Variants in PITPNC1 observed in about 807,000 individuals in gnomAD.
PITPNC1 encodes phosphatidylinositol transfer protein cytoplasmic 1.
A neutral mutation model predicts 44.7 loss-of-function variants in PITPNC1; 18 were observed. The observed-to-expected ratio is 0.40, with a 90% CI of 0.28 to 0.60. The LOEUF (loss-of-function observed/expected upper bound fraction) is 0.60, where lower values mean the gene tolerates loss of function less well. PITPNC1 is among the 20% of genes least tolerant of loss of function. The pLI, the probability that PITPNC1 is intolerant of heterozygous loss-of-function variation, is 0.39. For synonymous variants in PITPNC1, 141 were observed against 149.6 expected (o/e 0.94, Z 0.42); for missense variants, 290 against 418.4 (o/e 0.69, Z 2.68).
chr17:67,543,205 G>A (rs546710131), intron 2 of PITPNC1, among the ~76,000 whole-genome samples: 8 of 152,266 alleles, frequency 5.3e-5, no homozygotes, highest in Admixed American at 6.5e-5. Context: ...GCCAGATGGC[G>A]TCATTCTGCC....
At chr17:67,598,369 C>T (rs1029017687) in intron 5 of PITPNC1, among the ~76,000 whole-genome samples, 3 of 152,188 alleles carry the variant, frequency 2.0e-5, no homozygotes, top group South Asian at 2.1e-4. Flanking sequence ...AATGGGTGTT[C>T]GTGCTACCAA....
chr17:67,643,340 C>T (rs948173601), intron 6 of PITPNC1, among the ~76,000 whole-genome samples: 1 of 152,064 alleles, frequency 6.6e-6, no homozygotes, highest in African/African-American at 2.4e-5. Flanking sequence ...GAGCTGAGAT[C>T]GCGCCACTGC....
At chr17:67,586,252 C>T (rs541878662) in intron 5 of PITPNC1, among the ~76,000 whole-genome samples, 249 of 152,076 alleles carry the variant, frequency 1.6e-3, no homozygotes, top group African/African-American at 5.6e-3. Context: ...AGATACTGTT[C>T]GTGGAGTTTT....
intron 5 of PITPNC1, among the ~76,000 whole-genome samples, chr17:67,607,059 A>G (rs2041617520): frequency 6.6e-6 from 1 of 152,200 alleles, no homozygotes; most frequent in Admixed American, 6.5e-5. Context: ...AGTAATAATC[A>G]GTAAGGTTCA....
chr17:67,642,866 G>GA (rs1043386638), intron 6 of PITPNC1, among the ~76,000 whole-genome samples: 2 of 151,718 alleles, frequency 1.3e-5, no homozygotes, highest in Middle Eastern at 3.4e-3. Flanking sequence ...TTTTCAAGGG[G>GA]AAAAAAACCA....
intron 8 of PITPNC1, among the ~76,000 whole-genome samples, chr17:67,677,014 T>C (rs536498633): frequency 2.0e-5 from 3 of 152,252 alleles, no homozygotes; most frequent in Admixed American, 6.5e-5. Context: ...CAGAGACCTG[T>C]CTATTTCTAG....
rs75514444 is a variant in PITPNC1 at position 67,575,855 on chromosome 17, T to C, written c.295-2331T>C. Among the ~76,000 whole-genome samples the C allele has an allele frequency of 3.1e-3, 264 of 84,388 alleles. 3 individuals carry two copies. The highest frequency in any genetic ancestry group is 0.013 in the African/African-American group (253 of 19,298). 55.4% of individuals were successfully genotyped at this position (84,388 alleles called of 152,430 possible). A position where few individuals can be genotyped will look rare whatever the true frequency, so the allele number is the denominator to read the frequency against. On this transcript the variant is annotated intron_variant, in intron 4 of 8. Coordinates refer to ENST00000581322, the MANE Select transcript of PITPNC1 (RefSeq NM_012417.4). ...CCTTCCTTCCTTCTTTCTTTCTTTC[T>C]TTCCTTCCTTCTTTCTTTCTTTCCT...
chr17:67,599,024 ATATATATATATTTTTTTT>A (rs1415386837), intron 5 of PITPNC1, among the ~76,000 whole-genome samples: 26 of 35,868 alleles, frequency 7.2e-4, no homozygotes, highest in African/African-American at 3.0e-3. Context: ...ATATATATAT[ATATATATATATTTTTTTT>A]TTTTTTTTTT....
intron 8 of PITPNC1, among the ~76,000 whole-genome samples, chr17:67,679,289 G>C (rs1188972000): frequency 2.0e-5 from 3 of 152,222 alleles, no homozygotes; most frequent in African/African-American, 7.2e-5. Context: ...TAAAATGATT[G>C]CAGGAACCCA....
At chr17:67,514,178 G>C (rs1221014554) in intron 1 of PITPNC1, among the ~76,000 whole-genome samples, 2 of 152,002 alleles carry the variant, frequency 1.3e-5, no homozygotes, top group Non-Finnish European at 2.9e-5. Context: ...ACTTGGTGTA[G>C]AATTCACGGG....
intron 4 of PITPNC1, among the ~76,000 whole-genome samples, chr17:67,560,490 G>A (rs974867068): frequency 3.0e-4 from 46 of 152,188 alleles, no homozygotes; most frequent in Admixed American, 3.0e-3. Flanking sequence ...ACACAGCAAA[G>A]TCAGCAGTAC....
intron 7 of PITPNC1, 114 bp downstream of exon 7, chr17:67,669,777 A>G: frequency 1.3e-6 from 1 of 769,606 alleles, no homozygotes. Flanking sequence ...CTGCATCTCA[A>G]AAACACTTTT....
chr17:67,449,634 C>T (rs939674221), intron 1 of PITPNC1, among the ~76,000 whole-genome samples: 3 of 152,186 alleles, frequency 2.0e-5, no homozygotes, highest in African/African-American at 2.4e-5. Flanking sequence ...AGAACTTCAA[C>T]GTTAGAATCT....
chr17:67,662,897 T>C (rs1236347179), intron 6 of PITPNC1, among the ~76,000 whole-genome samples: 1 of 152,240 alleles, frequency 6.6e-6, no homozygotes, highest in East Asian at 1.9e-4. Context: ...TAGTACCCCA[T>C]GGACATGATT....
At chr17:67,651,689 C>T (rs1802613674) in intron 6 of PITPNC1, among the ~76,000 whole-genome samples, 1 of 152,156 alleles carries the variant, frequency 6.6e-6, no homozygotes, top group Admixed American at 6.5e-5. Context: ...TAGCTATCAT[C>T]TCCCTACCCT....
At chr17:67,651,374 G>A (rs1041182772) in intron 6 of PITPNC1, among the ~76,000 whole-genome samples, 1 of 152,062 alleles carries the variant, frequency 6.6e-6, no homozygotes, top group Admixed American at 6.6e-5. Context: ...TCAGCCGGGT[G>A]TGCTGGCACG....
intron 4 of PITPNC1, among the ~76,000 whole-genome samples, chr17:67,576,268 C>CT (rs1197485456): frequency 6.6e-6 from 1 of 152,126 alleles, no homozygotes; most frequent in African/African-American, 2.4e-5. Context: ...AGTATGGACA[C>CT]TGAGACCTGG....
chr17:67,454,133 C>T (rs2039223153), intron 1 of PITPNC1, among the ~76,000 whole-genome samples: 1 of 152,132 alleles, frequency 6.6e-6, no homozygotes, highest in South Asian at 2.1e-4. Flanking sequence ...CACCTGTAAT[C>T]CCAGCTACTT....
Position 67,625,660 on chromosome 17 carries a change from G to A in PITPNC1, c.367-6483G>A, listed in dbSNP as rs745706013. ...GACCGCTGCCACTTCCCACTGCTCC[G>A]TGGCAGCCCCTCTATGTACCACCCA... On this transcript the variant is annotated intron_variant, in intron 5 of 8. Coordinates refer to ENST00000581322, the MANE Select transcript of PITPNC1 (RefSeq NM_012417.4). Among the ~76,000 whole-genome samples, 111 of 152,102 alleles carry A rather than the reference G, an allele frequency of 7.3e-4. 1 individual carries two copies. Among genetic ancestry groups the A allele is most frequent in the Non-Finnish European group, 2.4e-4 (16 of 68,026 alleles).
Sources: gnomAD v4.1 joint callset for allele counts (sites outside exome capture counted in the v4.1 genomes callset) on GRCh38, gnomAD v4.1.1 for gene constraint, MANE v1.5 for transcripts, NCBI Gene and HGNC (gene_info 2026-07-23, HGNC 2026-07-21) for gene names.